ENTREP2: variants seen among roughly 807,000 people sequenced by gnomAD.
The protein encoded by ENTREP2 is endosomal transmembrane epsin interactor 2.
the ENTREP2 span, chr15:29,269,842 C>G: frequency 1.2e-6 from 1 of 852,484 alleles, no homozygotes; most frequent in Non-Finnish European, 1.7e-6. Flanking sequence ...GTCATGAAGC[C>G]TGCGCCTTGC....
At chr15:29,461,769 G>A in the ENTREP2 span, among the ~76,000 whole-genome samples, 9,747 of 151,996 alleles carry the variant, frequency 0.064, 358 homozygotes, top group Non-Finnish European at 0.073. Context: ...CACCGTGCCC[G>A]GCCATCATTT....
chr15:29,338,905 C>A, the ENTREP2 span, among the ~76,000 whole-genome samples: 40 of 152,174 alleles, frequency 2.6e-4, no homozygotes, highest in Non-Finnish European at 4.6e-4. Context: ...ATACTCCCCA[C>A]TCAGTTTCAG....
chr15:29,489,500 C>CTT, the ENTREP2 span, among the ~76,000 whole-genome samples: 3 of 151,558 alleles, frequency 2.0e-5, no homozygotes, highest in Non-Finnish European at 4.4e-5. Context: ...AACTTTGATT[C>CTT]TGTATGTGCG....
chr15:29,360,759 G>T, the ENTREP2 span, among the ~76,000 whole-genome samples: 1 of 152,176 alleles, frequency 6.6e-6, no homozygotes, highest in Admixed American at 6.5e-5. Context: ...ATAGCAGCAG[G>T]TGATTATTCA....
At chr15:29,142,642 C>T in the ENTREP2 span, among the ~76,000 whole-genome samples, 63 of 152,232 alleles carry the variant, frequency 4.1e-4, no homozygotes, top group Middle Eastern at 6.8e-3. Context: ...AGTTACCACG[C>T]GATGGAAGGC....
the ENTREP2 span, among the ~76,000 whole-genome samples, chr15:29,627,959 T>G: frequency 1.8e-4 from 28 of 152,360 alleles, 1 homozygote; most frequent in Non-Finnish European, 4.0e-4. Context: ...AATGAACAAC[T>G]ACCTATATTT....
the ENTREP2 span, among the ~76,000 whole-genome samples, chr15:29,159,236 GGTGA>G: frequency 6.6e-6 from 1 of 151,970 alleles, no homozygotes; most frequent in South Asian, 2.1e-4. Flanking sequence ...AGACCTCCGC[GGTGA>G]GTGTTACAGC....
the ENTREP2 span, among the ~76,000 whole-genome samples, chr15:29,554,726 C>T: frequency 1.3e-5 from 2 of 152,070 alleles, no homozygotes; most frequent in East Asian, 1.9e-4. Context: ...GTGGCTGTGG[C>T]GCTGAGCCAG....
At chr15:29,305,196 G>C in the ENTREP2 span, among the ~76,000 whole-genome samples, 1 of 152,202 alleles carries the variant, frequency 6.6e-6, no homozygotes, top group Non-Finnish European at 1.5e-5. Flanking sequence ...CAAATGCAAA[G>C]ATAAATTTTT....
chr15:29,657,503 C>T, the ENTREP2 span, among the ~76,000 whole-genome samples: 2 of 125,338 alleles, frequency 1.6e-5, no homozygotes, highest in Admixed American at 8.1e-5. Context: ...GGGTGGCCAG[C>T]TTTTATTCCC....
At chr15:29,159,765 A>G in the ENTREP2 span, among the ~76,000 whole-genome samples, 1 of 152,184 alleles carries the variant, frequency 6.6e-6, no homozygotes, top group Non-Finnish European at 1.5e-5. Flanking sequence ...GTGTGTTTAC[A>G]AACCTTGAGC....
chr15:29,163,311 G>T, the ENTREP2 span, among the ~76,000 whole-genome samples: 13 of 151,986 alleles, frequency 8.6e-5, no homozygotes, highest in African/African-American at 3.1e-4. Flanking sequence ...AACCCAAGAA[G>T]AAATCCCTGA....
At chr15:29,469,572 G>A in the ENTREP2 span, among the ~76,000 whole-genome samples, 58 of 152,178 alleles carry the variant, frequency 3.8e-4, no homozygotes, top group East Asian at 8.7e-3. Flanking sequence ...TTGCCATGGC[G>A]GGGGAGGGGA....
the ENTREP2 span, among the ~76,000 whole-genome samples, chr15:29,597,272 T>G: frequency 6.6e-6 from 1 of 152,124 alleles, no homozygotes; most frequent in Admixed American, 6.5e-5. Flanking sequence ...GCATTTAAGA[T>G]TCATCCATAA....
chr15:29,423,082 A>G, the ENTREP2 span, among the ~76,000 whole-genome samples: 1 of 152,162 alleles, frequency 6.6e-6, no homozygotes, highest in Admixed American at 6.6e-5. Flanking sequence ...CTTTTCATGC[A>G]GAGTCACGGT....
the ENTREP2 span, among the ~76,000 whole-genome samples, chr15:29,299,466 C>T: frequency 6.6e-6 from 1 of 152,158 alleles, no homozygotes; most frequent in Admixed American, 6.5e-5. Flanking sequence ...CTTGACTGTT[C>T]CTTCAACTCA....
the ENTREP2 span, among the ~76,000 whole-genome samples, chr15:29,466,991 C>T: frequency 4.7e-5 from 5 of 107,444 alleles, no homozygotes; most frequent in African/African-American, 1.5e-4. Flanking sequence ...GGGGAGGGCC[C>T]GGGGAGGATG....
chr15:29,339,846 G>A, the ENTREP2 span, among the ~76,000 whole-genome samples: 1 of 152,228 alleles, frequency 6.6e-6, no homozygotes, highest in Admixed American at 6.5e-5. Flanking sequence ...GTGGGTGAAG[G>A]TGCTGCCCAG....
chr15:29,365,529 A>G, the ENTREP2 span, among the ~76,000 whole-genome samples: 5 of 152,044 alleles, frequency 3.3e-5, no homozygotes, highest in South Asian at 2.1e-4. Context: ...TGGGATTACA[A>G]GCTCATTTCT....
Sources: allele counts gnomAD v4.1 joint callset (sites outside exome capture counted in the v4.1 genomes callset), GRCh38; gene constraint gnomAD v4.1.1; transcripts MANE v1.5; gene names NCBI Gene and HGNC (gene_info 2026-07-23, HGNC 2026-07-21).